The following SMAD9 variants were observed in gnomAD, a reference collection of about 807,000 sequenced individuals.
The protein encoded by SMAD9 is SMAD family member 9, also known as MAD homolog 9.
In SMAD9, 36 loss-of-function variants were observed where a neutral mutation model predicts 46.1. That is an observed-to-expected ratio of 0.78 (90% CI 0.60 to 1.03). SMAD9 has a LOEUF of 1.03. SMAD9 is among the 50% of genes least tolerant of loss of function. The pLI is 0.00. For synonymous variants in SMAD9, 245 were observed against 237.1 expected, an observed-to-expected ratio of 1.03 and a Z score of -0.31; for missense variants, 572 against 599.8, an observed-to-expected ratio of 0.95 and a Z score of 0.48.
In SMAD9 at chr13:36,847,662, T is replaced by C. The variant is rs1309247668; in HGVS notation, c.*1014A>G. 1 of 152,260 alleles carries C rather than the reference T, an allele frequency of 6.6e-6. No individual in the cohort carries two copies. Among genetic ancestry groups the C allele is most frequent in the African/African-American group, 2.4e-5 (1 of 41,462 alleles). 9.4% of individuals were successfully genotyped at this position (152,260 alleles called of 1,614,324 possible). ...GCTTTAGTGATCTGCAAAGAGTTAA[T>C]ATTTGCCAAGAGGCAGGAAAACGTG... On this transcript the variant is annotated 3_prime_UTR_variant, in exon 7 of 7. Transcript: ENST00000379826.
chr13:36,887,962 G>C (rs948995476), intron 1 of SMAD9, among the ~76,000 whole-genome samples: 2 of 152,124 alleles, frequency 1.3e-5, no homozygotes, highest in Non-Finnish European at 2.9e-5. Context: ...GGGAAGCAGA[G>C]GTGTGTTCTG....
intron 1 of SMAD9, among the ~76,000 whole-genome samples, chr13:36,911,196 G>C (rs914501136): frequency 4.6e-5 from 7 of 151,858 alleles, no homozygotes; most frequent in African/African-American, 1.7e-4. Context: ...TTTTCTCATA[G>C]AAGGGTTTTC....
chr13:36,909,877 T>C (rs2058646441), intron 1 of SMAD9, among the ~76,000 whole-genome samples: 1 of 152,184 alleles, frequency 6.6e-6, no homozygotes, highest in African/African-American at 2.4e-5. Flanking sequence ...TAGGCTTCAC[T>C]GTGGGAGTTA....
rs1157682950 is a variant in SMAD9, at chr13:36,848,268, G to A, written c.*408C>T. The A allele has an allele frequency of 5.3e-6, 1 of 187,140 alleles. No homozygotes were observed. The highest frequency in any genetic ancestry group is 1.1e-5 in the Non-Finnish European group (1 of 89,156). 11.6% of individuals were successfully genotyped at this position (187,140 alleles called of 1,614,324 possible). On this transcript the variant is annotated 3_prime_UTR_variant, in exon 7 of 7. Coordinates refer to ENST00000379826, the MANE Select transcript of SMAD9 (RefSeq NM_001127217.3). Reference sequence around the variant, plus strand: ...GGTTTCACTGCTTTGTTTCATCTGAGTGATATTTGCTTTAGTGCTGCTAAT... The same window carrying A: ...GGTTTCACTGCTTTGTTTCATCTGAATGATATTTGCTTTAGTGCTGCTAAT...
intron 2 of SMAD9, among the ~76,000 whole-genome samples, chr13:36,878,126 G>A (rs4941851): frequency 0.046 from 6,592 of 144,370 alleles, 343 homozygotes; most frequent in East Asian, 0.18. Flanking sequence ...TTCTCCAAGA[G>A]GAGGAGGAAA....
intron 1 of SMAD9, among the ~76,000 whole-genome samples, chr13:36,904,392 G>T (rs1031609856): frequency 3.9e-5 from 6 of 152,146 alleles, no homozygotes; most frequent in Non-Finnish European, 8.8e-5. Context: ...TGCCAGGTGC[G>T]AATCGCTCTA....
Position 36,845,274 on chromosome 13 carries a change from A to C in SMAD9, c.*3402T>G, listed in dbSNP as rs2138235287. ...GAAGACAATAAAAAAGAGGATTCTA[A>C]ATGCTAGATGGTTGGCTAACTTCTC... On this transcript the variant is annotated 3_prime_UTR_variant, in exon 7 of 7. Transcript: ENST00000379826. The C allele has an allele frequency of 6.6e-6, 1 of 152,268 alleles. No individual in the cohort carries two copies. Among genetic ancestry groups the C allele is most frequent in the Middle Eastern group, 3.4e-3 (1 of 292 alleles). The allele number at this position is 152,268 out of a possible 1,614,324, so 9.4% of individuals were successfully genotyped here.
At chr13:36,864,302 T>G (rs2058210985) in intron 5 of SMAD9, among the ~76,000 whole-genome samples, 1 of 152,210 alleles carries the variant, frequency 6.6e-6, no homozygotes, top group African/African-American at 2.4e-5. Context: ...CACCACCATC[T>G]TCTCCAGCTC....
chr13:36,909,446 T>G (rs992814654), intron 1 of SMAD9, among the ~76,000 whole-genome samples: 2 of 152,208 alleles, frequency 1.3e-5, no homozygotes, highest in Admixed American at 6.5e-5. Context: ...TGGTGTAAGT[T>G]TCTAGTATTG....
At chr13:36,853,035 C>G (rs1206898947) in intron 6 of SMAD9, among the ~76,000 whole-genome samples, 2 of 152,124 alleles carry the variant, frequency 1.3e-5, no homozygotes, top group Non-Finnish European at 2.9e-5. Flanking sequence ...GCCTGTAATC[C>G]CAGCACTTTG....
intron 5 of SMAD9, among the ~76,000 whole-genome samples, chr13:36,862,202 G>T (rs1323524042): frequency 6.6e-6 from 1 of 151,960 alleles, no homozygotes; most frequent in Non-Finnish European, 1.5e-5. Flanking sequence ...CTTGAATAGG[G>T]GCTGAGTAAA....
chr13:36,864,775 G>T (rs1353646728), intron 5 of SMAD9, among the ~76,000 whole-genome samples: 1 of 152,174 alleles, frequency 6.6e-6, no homozygotes, highest in African/African-American at 2.4e-5. Context: ...CTGGAAATTT[G>T]AAAGAAAAGG....
Position 36,908,008 on chromosome 13 carries a change from C to T in SMAD9, c.-187+12108G>A, listed in dbSNP as rs985102110. 3.9e-5 allele frequency among the ~76,000 whole-genome samples: 6 copies of T among 152,302 alleles called. No homozygotes were observed. In the South Asian group the frequency reaches 8.3e-4, roughly 21 times the overall value. ...CCACCCTCTCTGAAGGACAGCCAGT[C>T]CCATGAGATCCCCAGCAGGCTGCCT... On this transcript the variant is annotated intron_variant, in intron 1 of 6. Transcript: ENST00000379826.
chr13:36,856,798 C>A (rs1022559040), intron 5 of SMAD9, among the ~76,000 whole-genome samples: 1 of 123,434 alleles, frequency 8.1e-6, no homozygotes, highest in Non-Finnish European at 1.7e-5. Flanking sequence ...GTGACCTGCA[C>A]TTTTTTTTTT....
chr13:36,880,441 C>A (rs1321095108), intron 1 of SMAD9, among the ~76,000 whole-genome samples: 5 of 152,116 alleles, frequency 3.3e-5, no homozygotes, highest in African/African-American at 1.2e-4. Context: ...TTAGTTTGCA[C>A]AAGCAATCCA....
intron 1 of SMAD9, among the ~76,000 whole-genome samples, chr13:36,883,619 C>T (rs1201347518): frequency 2.6e-5 from 4 of 152,184 alleles, no homozygotes; most frequent in Admixed American, 6.5e-5. Flanking sequence ...GGCGTGGTGG[C>T]GGGTACATGT....
chr13:36,885,766 T>C lies in SMAD9; in HGVS notation c.-186-5891A>G, dbSNP rs188115062. ...TGAATTGTATGCTCATTTTGGGTGA[T>C]TGCACAAATACTGAGTTTTTCTAAG... On this transcript the variant is annotated intron_variant, in intron 1 of 6. Coordinates refer to ENST00000379826, the MANE Select transcript of SMAD9 (RefSeq NM_001127217.3). Among the ~76,000 whole-genome samples, 91 of 152,024 alleles carry C rather than the reference T, an allele frequency of 6.0e-4. No individual in the cohort carries two copies. In the East Asian group the frequency reaches 7.2e-3, roughly 12 times the overall value.
chr13:36,889,667 T>C (rs2058474596), intron 1 of SMAD9, among the ~76,000 whole-genome samples: 2 of 152,224 alleles, frequency 1.3e-5, no homozygotes, highest in South Asian at 2.1e-4. Context: ...CCTACTCTAT[T>C]TGTAACTCTT....
chr13:36,880,336 C>G (rs1187133007), intron 1 of SMAD9, among the ~76,000 whole-genome samples: 1 of 152,226 alleles, frequency 6.6e-6, no homozygotes, highest in Non-Finnish European at 1.5e-5. Context: ...ATGACAGTGG[C>G]TCCTTGGTCT....
Sources: gnomAD v4.1 joint callset for allele counts (sites outside exome capture counted in the v4.1 genomes callset) on GRCh38, gnomAD v4.1.1 for gene constraint, MANE v1.5 for transcripts, NCBI Gene and HGNC (gene_info 2026-07-23, HGNC 2026-07-21) for gene names.